GPHN: variants seen among roughly 807,000 people sequenced by gnomAD.
GPHN encodes gephyrin.
In GPHN, 17 loss-of-function variants were observed where a neutral mutation model predicts 95.5. The ratio of observed to expected loss-of-function variants is 0.18; its 90% CI spans 0.12 to 0.27. GPHN has a LOEUF of 0.27. GPHN is among the 10% of genes least tolerant of loss of function. The probability of loss-of-function intolerance (pLI) is 1.00; values close to 1 mark genes in which losing one functional copy is unlikely to be tolerated. For synonymous variants in GPHN, 320 were observed against 322.5 expected (o/e 0.99, Z 0.08); for missense variants, 660 against 978.1 (o/e 0.67, Z 4.34).
intron 6 of GPHN, among the ~76,000 whole-genome samples, chr14:66,918,329 T>C (rs879583931): frequency 9.2e-5 from 14 of 152,108 alleles, no homozygotes; most frequent in Non-Finnish European, 1.8e-4. Flanking sequence ...AGAGCTTTTA[T>C]TGGGACTCAA....
the GPHN span, among the ~76,000 whole-genome samples, chr14:67,426,727 C>T: frequency 3.3e-5 from 5 of 152,168 alleles, no homozygotes; most frequent in African/African-American, 4.8e-5. Context: ...AGGCATGTGC[C>T]ACCATGCCCG....
At chr14:67,068,777 G>A (rs1458860190) in intron 11 of GPHN, among the ~76,000 whole-genome samples, 2 of 152,110 alleles carry the variant, frequency 1.3e-5, no homozygotes, top group Non-Finnish European at 2.9e-5. Flanking sequence ...AGTAAGTTTG[G>A]AGCAGTGAAA....
chr14:66,671,485 A>G (rs1306425370), intron 1 of GPHN, among the ~76,000 whole-genome samples: 1 of 152,230 alleles, frequency 6.6e-6, no homozygotes, highest in African/African-American at 2.4e-5. Context: ...AAACAGCTTG[A>G]AAGTACTTAG....
the GPHN span, among the ~76,000 whole-genome samples, chr14:67,318,009 T>C: frequency 2.0e-5 from 3 of 152,254 alleles, no homozygotes; most frequent in African/African-American, 7.2e-5. Flanking sequence ...GTTGCTCTTA[T>C]ATCAAGCACC....
At chr14:67,354,390 C>T in the GPHN span, among the ~76,000 whole-genome samples, 1 of 152,144 alleles carries the variant, frequency 6.6e-6, no homozygotes, top group Non-Finnish European at 1.5e-5. Context: ...ATTTAAAAAT[C>T]TATCCACTAA....
chr14:67,199,208 C>T, the GPHN span: 1 of 1,606,902 alleles, frequency 6.2e-7, no homozygotes, highest in East Asian at 2.2e-5. Flanking sequence ...AGGATAGAGT[C>T]ACTGGCCAGC....
chr14:66,849,749 C>T (rs2153514894), intron 4 of GPHN, among the ~76,000 whole-genome samples: 1 of 152,076 alleles, frequency 6.6e-6, no homozygotes. Flanking sequence ...GGCTCAGTAG[C>T]TGTTCTTAAA....
the GPHN span, chr14:67,557,536 A>G: frequency 1.2e-6 from 1 of 843,688 alleles, no homozygotes; most frequent in African/African-American, 1.7e-5. Flanking sequence ...CTCCCTCCTG[A>G]GCCTATTCTT....
intron 9 of GPHN, among the ~76,000 whole-genome samples, chr14:66,968,097 C>G (rs1406329461): frequency 6.6e-6 from 1 of 151,692 alleles, no homozygotes; most frequent in East Asian, 1.9e-4. Context: ...AATATCAAGA[C>G]CATAGATTTT....
At chr14:67,204,680 T>C in the GPHN span, 1 of 1,613,962 alleles carries the variant, frequency 6.2e-7, no homozygotes, top group East Asian at 2.2e-5. Context: ...TCTCAATGGG[T>C]GGCCCTCATC....
chr14:66,980,340 T>C (rs773206613), intron 9 of GPHN, among the ~76,000 whole-genome samples: 50 of 152,210 alleles, frequency 3.3e-4, no homozygotes, highest in Admixed American at 9.2e-4. Context: ...TTAATCCTGC[T>C]GGATAGAAAA....
At chr14:67,099,809 T>A (rs1483441216) in intron 12 of GPHN, among the ~76,000 whole-genome samples, 2 of 152,220 alleles carry the variant, frequency 1.3e-5, no homozygotes, top group East Asian at 1.9e-4. Flanking sequence ...AAAATATCAT[T>A]ATTAGTATGA....
At chr14:67,645,063 T>C in the GPHN span, among the ~76,000 whole-genome samples, 1 of 151,386 alleles carries the variant, frequency 6.6e-6, no homozygotes, top group Non-Finnish European at 1.5e-5. Context: ...TACATCTTTT[T>C]ACTCAGTGGT....
chr14:67,168,839 C>T (rs2082431952), intron 20 of GPHN, 94 bp from the exon 21 acceptor site: 14 of 859,332 alleles, frequency 1.6e-5, no homozygotes, highest in South Asian at 1.1e-4. Flanking sequence ...TAGTCACTTC[C>T]GTCACATTCT....
the GPHN span, among the ~76,000 whole-genome samples, chr14:67,508,511 C>G: frequency 6.6e-6 from 1 of 152,086 alleles, no homozygotes; most frequent in Admixed American, 6.6e-5. Context: ...CAGCCTCACG[C>G]TAGCTCTCCA....
the GPHN span, among the ~76,000 whole-genome samples, chr14:67,566,098 G>A: frequency 1.3e-5 from 2 of 152,194 alleles, no homozygotes; most frequent in African/African-American, 2.4e-5. Flanking sequence ...CAGCCTGGGC[G>A]ACAGAGGAGA....
chr14:67,193,400 G>T, the GPHN span, among the ~76,000 whole-genome samples: 3 of 133,728 alleles, frequency 2.2e-5, no homozygotes, highest in East Asian at 2.2e-4. Flanking sequence ...GATATATCTA[G>T]ATATATATCT....
chr14:66,574,929 C>T (rs1195299913), intron 1 of GPHN, among the ~76,000 whole-genome samples: 1 of 152,198 alleles, frequency 6.6e-6, no homozygotes, highest in Non-Finnish European at 1.5e-5. Flanking sequence ...ACTTAGGAGT[C>T]AGCCATGTTA....
At chr14:66,900,382 A>G (rs1371853297) in intron 5 of GPHN, among the ~76,000 whole-genome samples, 1 of 151,750 alleles carries the variant, frequency 6.6e-6, no homozygotes, top group African/African-American at 2.4e-5. Context: ...GGTGCATTCC[A>G]TGAATTTGAT....
Sources: allele counts gnomAD v4.1 joint callset (sites outside exome capture counted in the v4.1 genomes callset), GRCh38; gene constraint gnomAD v4.1.1; transcripts MANE v1.5; gene names NCBI Gene and HGNC (gene_info 2026-07-23, HGNC 2026-07-21).